Variants in FRMD4A observed in about 807,000 individuals in gnomAD.
FRMD4A encodes FERM domain-containing protein 4A.
FRMD4A carries 29 observed loss-of-function variants against 129.1 expected under a neutral mutation model. The ratio of observed to expected loss-of-function variants is 0.22; its 90% CI spans 0.17 to 0.31. The LOEUF is 0.31. Ranked by LOEUF, FRMD4A falls within the 10% of genes least tolerant of loss-of-function variation. The pLI, the probability that FRMD4A is intolerant of heterozygous loss-of-function variation, is 1.00. For synonymous variants in FRMD4A, 634 were observed against 571.6 expected (o/e 1.11, Z -1.56); for missense variants, 1,272 against 1,375.8 (o/e 0.92, Z 1.19).
At chr10:14,239,907 G>A (rs1486000451) in intron 2 of FRMD4A, among the ~76,000 whole-genome samples, 1 of 152,168 alleles carries the variant, frequency 6.6e-6, no homozygotes, top group African/African-American at 2.4e-5. Flanking sequence ...AAAGAATAGT[G>A]GTGTTTTTGC....
intron 2 of FRMD4A, among the ~76,000 whole-genome samples, chr10:14,054,276 A>G (rs1834401712): frequency 6.6e-6 from 1 of 152,040 alleles, no homozygotes; most frequent in African/African-American, 2.4e-5. Flanking sequence ...TCTCACTATT[A>G]TGGCCTTGCC....
chr10:14,322,872 T>C (rs530912960), intron 2 of FRMD4A, among the ~76,000 whole-genome samples: 2 of 152,364 alleles, frequency 1.3e-5, no homozygotes, highest in South Asian at 4.1e-4. Flanking sequence ...ACCACTATTA[T>C]ACTTTGCAAA....
Position 13,971,855 on chromosome 10 carries a change from G to C in FRMD4A, c.46-112943C>G, listed in dbSNP as rs915478974. On this transcript the variant is annotated intron_variant, in intron 2 of 24. Transcript: ENST00000357447. Reference sequence around the variant, plus strand: ...GGTCCCTGGCCCCACATCCAGGGCTGTGTTCTTTTAGTGACACAAAGTGCC... The same window carrying C: ...GGTCCCTGGCCCCACATCCAGGGCTCTGTTCTTTTAGTGACACAAAGTGCC... The C allele has an allele frequency of 2.3e-6, 3 of 1,300,180 alleles. No individual in the cohort carries two copies. In the African/African-American group the frequency reaches 4.6e-5, roughly 20 times the overall value. The allele number at this position is 1,300,180 out of a possible 1,614,324, so 80.5% of individuals were successfully genotyped here.
In FRMD4A at chr10:13,848,577, A is replaced by G. The variant is rs867274291; in HGVS notation, c.111+10270T>C. ...GGGGATGGTCTCTTCTCCTCTCCTC[A>G]ACCAGCACCTGGGTGTGAGTGTGTG... On this transcript the variant is annotated intron_variant, in intron 3 of 24. Coordinates refer to ENST00000357447, the MANE Select transcript of FRMD4A (RefSeq NM_018027.5). Among the ~76,000 whole-genome samples the G allele has an allele frequency of 4.2e-4, 64 of 151,364 alleles. 1 individual carries two copies. In the Middle Eastern group the frequency reaches 0.031, roughly 73 times the overall value.
At chr10:13,659,601 C>T in intron 20 of FRMD4A, 111 bp from the exon 21 acceptor site, 1 of 1,086,404 alleles carries the variant, frequency 9.2e-7, no homozygotes. Flanking sequence ...TCGCCCGTGA[C>T]TCCCACCTCG....
chr10:14,100,848 CTT>C (rs1162729209), intron 2 of FRMD4A, among the ~76,000 whole-genome samples: 5 of 152,040 alleles, frequency 3.3e-5, no homozygotes, highest in Non-Finnish European at 7.4e-5. Flanking sequence ...CATTTGATGA[CTT>C]TAGTGGAAAA....
intron 2 of FRMD4A, among the ~76,000 whole-genome samples, chr10:14,053,911 G>A (rs183468687): frequency 1.7e-3 from 252 of 152,252 alleles, no homozygotes; most frequent in Middle Eastern, 3.4e-3. Flanking sequence ...TCCCAGCTAC[G>A]CAGGAGGATC....
At chr10:13,877,816 C>A (rs11258688) in intron 2 of FRMD4A, among the ~76,000 whole-genome samples, 1 of 152,310 alleles carries the variant, frequency 6.6e-6, no homozygotes, top group East Asian at 1.9e-4. Flanking sequence ...CCATCCCAGA[C>A]ACTTCATGGA....
intron 9 of FRMD4A, among the ~76,000 whole-genome samples, chr10:13,745,508 C>T (rs776819333): frequency 1.1e-4 from 17 of 152,156 alleles, no homozygotes; most frequent in Admixed American, 3.3e-4. Flanking sequence ...GATGTTCTGC[C>T]AAGCCAGCTA....
chr10:13,921,700 C>A (rs2095075232), intron 2 of FRMD4A, among the ~76,000 whole-genome samples: 2 of 152,134 alleles, frequency 1.3e-5, no homozygotes, highest in Non-Finnish European at 2.9e-5. Context: ...TTGGGGAACA[C>A]AAACATTCAG....
chr10:13,963,097 C>T (rs75420697), intron 2 of FRMD4A, among the ~76,000 whole-genome samples: 7 of 152,144 alleles, frequency 4.6e-5, no homozygotes, highest in South Asian at 4.1e-4. Context: ...CTGTTGCAAA[C>T]GACAGGGTGA....
intron 2 of FRMD4A, among the ~76,000 whole-genome samples, chr10:14,197,086 T>A (rs1340039837): frequency 6.6e-6 from 1 of 152,076 alleles, no homozygotes; most frequent in Non-Finnish European, 1.5e-5. Context: ...TTAAGCCAGC[T>A]CAGAAAGCTG....
chr10:13,863,725 C>A (rs1413046893), intron 2 of FRMD4A, among the ~76,000 whole-genome samples: 2 of 151,518 alleles, frequency 1.3e-5, no homozygotes, highest in Admixed American at 1.3e-4. Context: ...CACCACTCCA[C>A]CTCACCCAAA....
chr10:14,291,632 T>C (rs899857983), intron 2 of FRMD4A, among the ~76,000 whole-genome samples: 1 of 151,914 alleles, frequency 6.6e-6, no homozygotes, highest in Admixed American at 6.6e-5. Flanking sequence ...AAATTAGAAA[T>C]AGAAAAAAAC....
At chr10:13,711,062 G>C (rs1162971366) in intron 12 of FRMD4A, among the ~76,000 whole-genome samples, 3 of 152,154 alleles carry the variant, frequency 2.0e-5, no homozygotes, top group South Asian at 2.1e-4. Flanking sequence ...GAGAAGGTGT[G>C]CATGTCAGAA....
At chr10:14,197,454 G>A (rs1223378700) in intron 2 of FRMD4A, among the ~76,000 whole-genome samples, 7 of 152,088 alleles carry the variant, frequency 4.6e-5, no homozygotes, top group South Asian at 2.1e-4. Flanking sequence ...GCCTCCTCCC[G>A]TGTTCAAGCA....
intron 2 of FRMD4A, among the ~76,000 whole-genome samples, chr10:14,049,182 C>A (rs563789240): frequency 1.3e-5 from 2 of 152,170 alleles, no homozygotes; most frequent in Admixed American, 1.3e-4. Flanking sequence ...AGGATAAGAG[C>A]AGCTGAGACT....
intron 2 of FRMD4A, among the ~76,000 whole-genome samples, chr10:14,224,330 C>A (rs1022600887): frequency 6.6e-6 from 1 of 152,182 alleles, no homozygotes; most frequent in African/African-American, 2.4e-5. Context: ...TCTTCTGCAG[C>A]ACTTTGTAGC....
chr10:14,253,207 G>A (rs550362486), intron 2 of FRMD4A, among the ~76,000 whole-genome samples: 10 of 152,254 alleles, frequency 6.6e-5, no homozygotes, highest in African/African-American at 2.2e-4. Context: ...TCTGGTCAAG[G>A]TTAGCACCGC....
Sources: gnomAD v4.1 joint callset for allele counts (sites outside exome capture counted in the v4.1 genomes callset) on GRCh38, gnomAD v4.1.1 for gene constraint, MANE v1.5 for transcripts, NCBI Gene and HGNC (gene_info 2026-07-23, HGNC 2026-07-21) for gene names.